RUBCNL: variants seen among roughly 807,000 people sequenced by gnomAD.
RUBCNL encodes protein associated with UVRAG as autophagy enhancer.
A neutral mutation model predicts 69.5 loss-of-function variants in RUBCNL; 62 were observed. That is an observed-to-expected ratio of 0.89 (90% CI 0.73 to 1.10). RUBCNL has a LOEUF of 1.10. RUBCNL is among the 50% of genes least tolerant of loss of function. The probability of loss-of-function intolerance (pLI) is 0.00; values close to 1 mark genes in which losing one functional copy is unlikely to be tolerated. For synonymous variants in RUBCNL, 291 were observed against 303.6 expected (o/e 0.96, Z 0.43); for missense variants, 768 against 798.1 (o/e 0.96, Z 0.45).
intron 14 of RUBCNL, among the ~76,000 whole-genome samples, 179 bp from the exon 15 acceptor site, chr13:46,343,676 T>C (rs2048182130): frequency 6.6e-6 from 1 of 152,084 alleles, no homozygotes; most frequent in Non-Finnish European, 1.5e-5. Context: ...AGCAGACCTG[T>C]TGGACTCTTC....
chr13:46,365,411 T>C (rs1175079396), intron 5 of RUBCNL, among the ~76,000 whole-genome samples: 3 of 151,408 alleles, frequency 2.0e-5, no homozygotes, highest in Non-Finnish European at 4.4e-5. Context: ...CCTTGAGAAG[T>C]TCTGAGGCAA....
chr13:46,359,760 C>T (rs563817589), intron 8 of RUBCNL, 129 bp from the exon 9 acceptor site: 6 of 898,270 alleles, frequency 6.7e-6, no homozygotes, highest in African/African-American at 1.7e-5. Flanking sequence ...TTTAACTGAA[C>T]TAAAGGGCAT....
At chr13:46,388,468 G>A (rs2049298381), upstream of RUBCNL, among the ~76,000 whole-genome samples, 1 of 150,132 alleles carries the variant, frequency 6.7e-6, no homozygotes, top group Admixed American at 6.6e-5. Flanking sequence ...AAGGTAGAAG[G>A]AAGGAAGGAA....
chr13:46,354,726 T>C (rs1187256047), intron 10 of RUBCNL: 1 of 454,638 alleles, frequency 2.2e-6, no homozygotes, highest in Non-Finnish European at 4.4e-6. Flanking sequence ...TCTTGACTCT[T>C]TTGTTACGTA....
At chr13:46,384,620 G>C (rs2138859002) in intron 1 of RUBCNL, among the ~76,000 whole-genome samples, 1 of 152,094 alleles carries the variant, frequency 6.6e-6, no homozygotes, top group Admixed American at 6.5e-5. Flanking sequence ...TAAATATAAA[G>C]CTAAGGATCA....
chr13:46,362,939 G>GATATATATAT lies in RUBCNL; in HGVS notation c.925+166_925+175dup, dbSNP rs57722239. Reference sequence around the variant, plus strand: ...CAAGAACATCATATATATATATATAGATATATATATATATATATATATATA... The same window carrying GATATATATAT: ...CAAGAACATCATATATATATATATAGATATATATATATATATATATATATATATATATATA... On this transcript the variant is annotated intron_variant, in intron 6 of 14. Transcript: ENST00000429979. Among the ~76,000 whole-genome samples, 144 of 41,434 alleles carry GATATATATAT rather than the reference G, an allele frequency of 3.5e-3. 5 individuals are homozygous for GATATATATAT. Among genetic ancestry groups the GATATATATAT allele is most frequent in the South Asian group, 0.017 (22 of 1,288 alleles). The allele number at this position is 41,434 out of a possible 152,430, so 27.2% of individuals were successfully genotyped here.
Position 46,362,544 on chromosome 13 carries a change from G to A in RUBCNL, c.980C>T (p.Ser327Phe). Residue 327 changes from serine (S) to phenylalanine (F), a missense_variant, in exon 7 of 15, where the codon TCT (serine) becomes TTT (phenylalanine). By Grantham distance (155) the Ser-to-Phe change is radical. Coordinates refer to ENST00000429979, the MANE Select transcript of RUBCNL (RefSeq NM_025113.5). Reference sequence around the variant, plus strand: ...GTGCACAGAAGACAGATACCTCTTAGAGGAGCTGCAGGAACAGCTACAGGT... The same window carrying A: ...GTGCACAGAAGACAGATACCTCTTAAAGGAGCTGCAGGAACAGCTACAGGT... ...TETCSCSCSS[S>F]KSVTYEPDFN... The A allele has an allele frequency of 6.2e-7, 1 of 1,607,326 alleles. No individual in the cohort carries two copies. Among genetic ancestry groups the A allele is most frequent in the Non-Finnish European group, 8.5e-7 (1 of 1,176,056 alleles).
At chr13:46,356,401 C>A (rs181977) in intron 10 of RUBCNL, 31 bp downstream of exon 10, 571,269 of 1,607,262 alleles carry the variant, frequency 0.36, 105,456 homozygotes, top group East Asian at 0.61. Context: ...GTCATCACAT[C>A]ATAAGCAGGC....
At chr13:46,383,997 T>C (rs1267476327) in intron 1 of RUBCNL, among the ~76,000 whole-genome samples, 1 of 152,168 alleles carries the variant, frequency 6.6e-6, no homozygotes, top group Non-Finnish European at 1.5e-5. Flanking sequence ...AGAATATTAA[T>C]ATTCACACAG....
At position 46,342,212 on chromosome 13, in the gene RUBCNL, A is replaced by C. The variant is rs1190536788; in HGVS notation, c.*1173T>G. On this transcript the variant is annotated 3_prime_UTR_variant, in exon 15 of 15. Coordinates refer to ENST00000429979, the MANE Select transcript of RUBCNL (RefSeq NM_025113.5). Reference sequence around the variant, plus strand: ...AGTACTATCCCATTGAATAAAACACACTCATACACATGGCTGGATGGGGTT... The same window carrying C: ...AGTACTATCCCATTGAATAAAACACCCTCATACACATGGCTGGATGGGGTT... 6.6e-6 allele frequency: 1 copy of C among 152,178 alleles called. No individual in the cohort carries two copies. The highest frequency in any genetic ancestry group is 6.5e-5 in the Admixed American group (1 of 15,276). The allele number at this position is 152,178 out of a possible 1,614,324, so 9.4% of individuals were successfully genotyped here. A position where few individuals can be genotyped will look rare whatever the true frequency, so the allele number is the denominator to read the frequency against.
At position 46,349,268 on chromosome 13, in the gene RUBCNL, C is replaced by T; in HGVS notation, c.1631+18G>A. Reference sequence around the variant, plus strand: ...GATGTATGGAGGGAAGGCAGCCTGTCCCAGCTGAGAATAGTACCTGTTAGC... The same window carrying T: ...GATGTATGGAGGGAAGGCAGCCTGTTCCAGCTGAGAATAGTACCTGTTAGC... On this transcript the variant is annotated intron_variant, in intron 12 of 14. Coordinates refer to ENST00000429979, the MANE Select transcript of RUBCNL (RefSeq NM_025113.5). 3 of 1,611,688 alleles carry T rather than the reference C, an allele frequency of 1.9e-6. No homozygotes were observed. Among genetic ancestry groups the T allele is most frequent in the African/African-American group, 1.3e-5 (1 of 74,990 alleles).
rs749478145 is a variant in RUBCNL, at chr13:46,372,143, G to A, written c.333C>T (p.Ser111=). 4.3e-6 allele frequency: 7 copies of A among 1,613,994 alleles called. No homozygotes were observed. Among genetic ancestry groups the A allele is most frequent in the Admixed American group, 1.7e-5 (1 of 60,022 alleles). The change falls in exon 3 of 15, where the codon TCC becomes TCT. Residue 111 remains serine (S), a synonymous_variant. Transcript: ENST00000429979. ...ETTLSEDTTD[S]VGSASPHGSS... is the part of the protein sequence containing the mutation. ...AGCCATGGGGAGAAGCGCTGCCAACGGAGTCTGTGGTATCCTCAGACAACG... is the reference window on the plus strand; with the variant it reads ...AGCCATGGGGAGAAGCGCTGCCAACAGAGTCTGTGGTATCCTCAGACAACG...
Position 46,342,909 on chromosome 13 carries a change from A to G in RUBCNL, c.*476T>C, listed in dbSNP as rs1183294895. 6.4e-6 allele frequency: 1 copy of G among 155,620 alleles called. No homozygotes were observed. Among genetic ancestry groups the G allele is most frequent in the Non-Finnish European group, 1.4e-5 (1 of 70,216 alleles). 9.6% of individuals were successfully genotyped at this position (155,620 alleles called of 1,614,324 possible). On this transcript the variant is annotated 3_prime_UTR_variant, in exon 15 of 15. Transcript: ENST00000429979. ...TGTGTATGATTGACACAATCACAAA[A>G]TGGCATTTAAGTGGAAGTCTGCTTC... is the stretch of plus-strand genomic sequence containing the variant.
intron 13 of RUBCNL, 87 bp from the exon 14 acceptor site, chr13:46,344,918 G>T (rs1226682761): frequency 1.2e-6 from 1 of 827,046 alleles, no homozygotes; most frequent in Non-Finnish European, 2.0e-6. Context: ...AAACATCAGT[G>T]TTTCAGTGTC....
intron 10 of RUBCNL, 81 bp downstream of exon 10, chr13:46,356,351 C>A: frequency 7.3e-7 from 1 of 1,369,762 alleles, no homozygotes; most frequent in South Asian, 1.3e-5. Flanking sequence ...GCATCTCTCA[C>A]ACAAGCAATG....
intron 1 of RUBCNL, among the ~76,000 whole-genome samples, chr13:46,386,491 G>T (rs1339230145): frequency 6.7e-6 from 1 of 149,028 alleles, no homozygotes; most frequent in Non-Finnish European, 1.5e-5. Context: ...TTTCCAAGCG[G>T]ACAGCATCAA....
rs2048158564 is a variant in RUBCNL, at chr13:46,342,454, CAT to C, written c.*929_*930del. 1 of 152,100 alleles carries C rather than the reference CAT, an allele frequency of 6.6e-6. No homozygotes were observed. Among genetic ancestry groups the C allele is most frequent in the African/African-American group, 2.4e-5 (1 of 41,408 alleles). The allele number at this position is 152,100 out of a possible 1,614,324, so 9.4% of individuals were successfully genotyped here. A position where few individuals can be genotyped will look rare whatever the true frequency, so the allele number is the denominator to read the frequency against. On this transcript the variant is annotated 3_prime_UTR_variant, in exon 15 of 15. Transcript: ENST00000429979. ...AGTAGAAGAAAAAAGAATAGGCTCA[CAT>C]GTTTCAGGAAAACATATAAGAACTA... is the stretch of plus-strand genomic sequence containing the variant.
chr13:46,349,384 G>A (rs373789415), intron 11 of RUBCNL, 37 bp from the exon 12 acceptor site: 22 of 1,556,412 alleles, frequency 1.4e-5, no homozygotes, highest in Non-Finnish European at 1.9e-5. Context: ...AAAGTTAAAT[G>A]TAATAAATGA....
chr13:46,349,639 C>T (rs1246460438), intron 11 of RUBCNL, among the ~76,000 whole-genome samples: 4 of 151,576 alleles, frequency 2.6e-5, no homozygotes, highest in African/African-American at 7.3e-5. Context: ...TTGGAAAGAG[C>T]CTGTGCAGGA....
Sources: allele counts gnomAD v4.1 joint callset (sites outside exome capture counted in the v4.1 genomes callset), GRCh38; gene constraint gnomAD v4.1.1; transcripts MANE v1.5; gene names NCBI Gene and HGNC (gene_info 2026-07-23, HGNC 2026-07-21).